CALN1: variants seen among roughly 807,000 people sequenced by gnomAD.
CALN1 encodes the protein calcium-binding protein 8.
Under a neutral mutation model 30.6 loss-of-function variants are expected in CALN1, and 17 were observed. The observed-to-expected ratio is 0.56, with a 90% confidence interval of 0.38 to 0.83. CALN1 has a LOEUF of 0.83. Ranked by LOEUF, CALN1 falls within the 40% of genes least tolerant of loss-of-function variation. CALN1 has a pLI of 0.00. For missense variants in CALN1, 291 were observed against 354.9 expected, an observed-to-expected ratio of 0.82 and a Z score of 1.45; for synonymous variants, 156 against 131.4, an observed-to-expected ratio of 1.19 and a Z score of -1.28.
intron 2 of CALN1, among the ~76,000 whole-genome samples, chr7:72,393,855 T>C (rs923019000): frequency 1.3e-5 from 2 of 149,190 alleles, no homozygotes; most frequent in African/African-American, 2.5e-5. Flanking sequence ...GCCCAAGCAA[T>C]CCCTCTGCCT....
chr7:72,315,251 G>A (rs1226698340), intron 2 of CALN1, among the ~76,000 whole-genome samples: 2 of 150,308 alleles, frequency 1.3e-5, no homozygotes, highest in Non-Finnish European at 3.0e-5. Context: ...ATGTAATAAA[G>A]GCTACTATTC....
chr7:72,310,981 G>A (rs1197643744), intron 2 of CALN1, among the ~76,000 whole-genome samples: 1 of 150,470 alleles, frequency 6.6e-6, no homozygotes. Context: ...TAAACAATAT[G>A]ACATTGAAAG....
rs374691299 is a variant in CALN1, at chr7:72,396,253, A to G, written c.119+6998T>C. Among the ~76,000 whole-genome samples the G allele has an allele frequency of 5.4e-3, 576 of 106,300 alleles. 16 individuals are homozygous for G. The highest frequency in any genetic ancestry group is 0.017 in the Admixed American group (190 of 11,252). The allele number at this position is 106,300 out of a possible 152,430, so 69.7% of individuals were successfully genotyped here. A position where few individuals can be genotyped will look rare whatever the true frequency, so the allele number is the denominator to read the frequency against. ...TCTCTACTAAAAAAAAAAAAAAAAA[A>G]AAAAGAAAGAAAAAGAAAAATTAGC... On this transcript the variant is annotated intron_variant, in intron 2 of 6. Coordinates refer to ENST00000395275, the MANE Select transcript of CALN1 (RefSeq NM_031468.4).
intron 5 of CALN1, among the ~76,000 whole-genome samples, chr7:71,974,648 A>C (rs928525418): frequency 6.6e-6 from 1 of 152,072 alleles, no homozygotes. Context: ...ATGAATTGAC[A>C]AGCATTAAGT....
intron 3 of CALN1, among the ~76,000 whole-genome samples, chr7:72,245,144 A>G (rs912738257): frequency 5.3e-5 from 8 of 152,178 alleles, no homozygotes; most frequent in African/African-American, 1.9e-4. Context: ...TGGAGGTGCT[A>G]TGTAGGGTTT....
intron 6 of CALN1, among the ~76,000 whole-genome samples, chr7:71,788,496 T>TG (rs1484754208): frequency 6.7e-6 from 1 of 148,316 alleles, no homozygotes; most frequent in Non-Finnish European, 1.5e-5. Context: ...TTGTTGTTTT[T>TG]TTTTTTTTTT....
Position 72,403,556 on chromosome 7 carries a change from G to A in CALN1, c.-73-114C>T, listed in dbSNP as rs761438565. ...CCTTCCGTGTTTACACAGGACAATGGTAGAAACACAATCCTGGCACAAGAA... is the reference window on the plus strand; with the variant it reads ...CCTTCCGTGTTTACACAGGACAATGATAGAAACACAATCCTGGCACAAGAA... On this transcript the variant is annotated intron_variant, in intron 1 of 6. Transcript: ENST00000395275. 1.9e-5 allele frequency: 9 copies of A among 477,812 alleles called. No individual in the cohort carries two copies. The Admixed American group carries it at 2.4e-4, about 13-fold the overall frequency. 29.6% of individuals were successfully genotyped at this position (477,812 alleles called of 1,614,324 possible).
the CALN1 span, among the ~76,000 whole-genome samples, chr7:72,463,522 A>C: frequency 6.6e-6 from 1 of 152,112 alleles, no homozygotes; most frequent in Non-Finnish European, 1.5e-5. Context: ...TACTCCCCCC[A>C]ACATTGGAGT....
intron 5 of CALN1, among the ~76,000 whole-genome samples, chr7:71,921,589 G>A (rs1420417791): frequency 6.6e-6 from 1 of 152,078 alleles, no homozygotes; most frequent in African/African-American, 2.4e-5. Flanking sequence ...CCTAAGTGAG[G>A]TGCCATAATA....
chr7:71,990,616 C>A (rs1414447337), intron 5 of CALN1, among the ~76,000 whole-genome samples: 4 of 152,174 alleles, frequency 2.6e-5, no homozygotes, highest in Admixed American at 2.0e-4. Flanking sequence ...CCACGCCCGG[C>A]TAAGTTTTGT....
intron 2 of CALN1, among the ~76,000 whole-genome samples, chr7:72,323,958 C>G (rs1801084473): frequency 6.6e-6 from 1 of 151,648 alleles, no homozygotes; most frequent in African/African-American, 2.4e-5. Flanking sequence ...GCAGGAGGAT[C>G]ACTTAAGCCC....
At chr7:71,921,531 A>C (rs78679286) in intron 5 of CALN1, among the ~76,000 whole-genome samples, 7,865 of 152,240 alleles carry the variant, frequency 0.052, 693 homozygotes, top group African/African-American at 0.18. Context: ...AGAAAGAAGA[A>C]GACAAAAAAC....
At chr7:72,389,369 A>C (rs924542071) in intron 2 of CALN1, among the ~76,000 whole-genome samples, 1 of 152,210 alleles carries the variant, frequency 6.6e-6, no homozygotes, top group African/African-American at 2.4e-5. Context: ...CATCCTCAAA[A>C]TTAAGCCTTA....
chr7:72,258,910 AGAAAG>A (rs1434009575), intron 3 of CALN1, among the ~76,000 whole-genome samples: 15 of 144,896 alleles, frequency 1.0e-4, no homozygotes, highest in African/African-American at 7.5e-5. Flanking sequence ...AAAAAAAAAA[AGAAAG>A]AAAGAAAGAA....
chr7:72,421,053 T>G (rs1342704162), intron 1 of CALN1, among the ~76,000 whole-genome samples: 2 of 152,188 alleles, frequency 1.3e-5, no homozygotes, highest in East Asian at 3.8e-4. Flanking sequence ...CACTTTCCTT[T>G]GCGTCCAGTG....
chr7:72,032,375 G>C (rs541228082), intron 4 of CALN1, among the ~76,000 whole-genome samples: 15 of 152,064 alleles, frequency 9.9e-5, no homozygotes, highest in Non-Finnish European at 1.9e-4. Flanking sequence ...ATTTTTTGTA[G>C]AGACAGGGTC....
intron 3 of CALN1, among the ~76,000 whole-genome samples, chr7:72,216,290 G>A (rs185347045): frequency 9.9e-5 from 15 of 152,052 alleles, no homozygotes; most frequent in African/African-American, 3.6e-4. Flanking sequence ...ACTGAGCGTG[G>A]TGGTGTGCAC....
intron 3 of CALN1, among the ~76,000 whole-genome samples, chr7:72,122,110 C>T (rs543828916): frequency 6.3e-4 from 96 of 151,986 alleles, no homozygotes; most frequent in African/African-American, 2.0e-3. Flanking sequence ...GTAGGAACTG[C>T]ATCATTTGGC....
chr7:71,813,004 A>G (rs2116228168), intron 5 of CALN1, among the ~76,000 whole-genome samples: 1 of 151,632 alleles, frequency 6.6e-6, no homozygotes. Context: ...GCTGGAGTAC[A>G]GTGGCGCAAT....
Sources: allele counts gnomAD v4.1 joint callset (sites outside exome capture counted in the v4.1 genomes callset), GRCh38; gene constraint gnomAD v4.1.1; transcripts MANE v1.5; gene names NCBI Gene and HGNC (gene_info 2026-07-23, HGNC 2026-07-21).